Variants in TMEM135 observed in about 807,000 individuals in gnomAD.
TMEM135 encodes peroxisomal membrane protein 52.
In TMEM135, 30 loss-of-function variants were observed where a neutral mutation model predicts 60.3. That is an observed-to-expected ratio of 0.50 (90% CI 0.37 to 0.68). TMEM135 has a LOEUF of 0.68. TMEM135 is among the 30% of genes least tolerant of loss of function. TMEM135 has a pLI of 0.00. For synonymous variants in TMEM135, 190 were observed against 186.7 expected, an observed-to-expected ratio of 1.02 and a Z score of -0.14; for missense variants, 468 against 548.8, an observed-to-expected ratio of 0.85 and a Z score of 1.47.
At chr11:87,072,975 G>A (rs1856799127) in intron 3 of TMEM135, among the ~76,000 whole-genome samples, 1 of 152,184 alleles carries the variant, frequency 6.6e-6, no homozygotes, top group Admixed American at 6.5e-5. Context: ...CCTCTGGTAA[G>A]AGTGTGAGTA....
intron 4 of TMEM135, among the ~76,000 whole-genome samples, chr11:87,102,864 A>G (rs572985577): frequency 6.8e-4 from 103 of 151,970 alleles, no homozygotes; most frequent in African/African-American, 1.8e-3. Context: ...CTTATTAACT[A>G]TGGTCACCCT....
intron 6 of TMEM135, among the ~76,000 whole-genome samples, chr11:87,254,451 C>T (rs1941482321): frequency 6.6e-6 from 1 of 152,112 alleles, no homozygotes; most frequent in Non-Finnish European, 1.5e-5. Context: ...CAATAAGATA[C>T]TTGGCTTCTT....
At chr11:87,090,837 A>T (rs922776193) in intron 3 of TMEM135, among the ~76,000 whole-genome samples, 1 of 152,090 alleles carries the variant, frequency 6.6e-6, no homozygotes, top group South Asian at 2.1e-4. Flanking sequence ...TTAGTGCCTG[A>T]CTTTTCGTTT....
intron 5 of TMEM135, among the ~76,000 whole-genome samples, chr11:87,215,146 A>G (rs955289109): frequency 4.6e-5 from 7 of 152,150 alleles, no homozygotes; most frequent in Non-Finnish European, 8.8e-5. Context: ...TTTATTATTA[A>G]CTATTACTAA....
intron 14 of TMEM135, 90 bp downstream of exon 14, chr11:87,319,467 A>G (rs1171412642): frequency 2.2e-6 from 2 of 927,486 alleles, no homozygotes; most frequent in African/African-American, 1.7e-5. Context: ...AGGTATTTAT[A>G]TATAAATAAA....
Position 87,321,928 on chromosome 11 carries a change from TA to T in TMEM135, c.*598del. Reference sequence around the variant, plus strand: ...AAAGATGGGTCTCATACCATTTGGATAAATGTCGTGGTATCCATGCTTTTTT... The same window carrying T: ...AAAGATGGGTCTCATACCATTTGGATAATGTCGTGGTATCCATGCTTTTTT... On this transcript the variant is annotated 3_prime_UTR_variant, in exon 15 of 15. Transcript: ENST00000305494. 2 of 454,456 alleles carry T rather than the reference TA, an allele frequency of 4.4e-6. No homozygotes were observed. Among genetic ancestry groups the T allele is most frequent in the South Asian group, 3.1e-5 (2 of 64,472 alleles). The allele number at this position is 454,456 out of a possible 1,614,324, so 28.2% of individuals were successfully genotyped here. A position where few individuals can be genotyped will look rare whatever the true frequency, so the allele number is the denominator to read the frequency against.
chr11:87,317,978 G>A (rs1482084428), intron 12 of TMEM135, among the ~76,000 whole-genome samples, 159 bp from the exon 13 acceptor site: 1 of 152,028 alleles, frequency 6.6e-6, no homozygotes, highest in Non-Finnish European at 1.5e-5. Flanking sequence ...GAAAGGGAAG[G>A]GCTGACCCTT....
intron 7 of TMEM135, among the ~76,000 whole-genome samples, chr11:87,296,655 G>A (rs750979228): frequency 6.6e-5 from 10 of 152,182 alleles, no homozygotes; most frequent in Non-Finnish European, 1.5e-4. Flanking sequence ...AGGATCAAAT[G>A]AGTCAATATG....
chr11:87,220,859 A>G (rs1417394932), intron 5 of TMEM135, among the ~76,000 whole-genome samples: 1 of 152,198 alleles, frequency 6.6e-6, no homozygotes, highest in African/African-American at 2.4e-5. Context: ...TATGTTTAAT[A>G]ACCTACATTT....
intron 5 of TMEM135, among the ~76,000 whole-genome samples, chr11:87,172,977 A>T (rs1301867778): frequency 6.6e-6 from 1 of 151,878 alleles, no homozygotes; most frequent in Non-Finnish European, 1.5e-5. Context: ...AAATTATTAC[A>T]CTTAATTTTA....
rs1188765726 is a variant in TMEM135 at position 87,327,477 on chromosome 11, G to A, written c.*6144G>A. The A allele has an allele frequency of 4.4e-6, 2 of 453,924 alleles. No individual in the cohort carries two copies. Among genetic ancestry groups the A allele is most frequent in the African/African-American group, 4.0e-5 (2 of 49,982 alleles). 28.1% of individuals were successfully genotyped at this position (453,924 alleles called of 1,614,324 possible). A position where few individuals can be genotyped will look rare whatever the true frequency, so the allele number is the denominator to read the frequency against. ...ATAAACCTCTATTTCTTAAAGTTCT[G>A]TATCAGTCAGGGTTTCCCAGAGAGG... On this transcript the variant is annotated 3_prime_UTR_variant, in exon 15 of 15. Transcript: ENST00000305494.
At chr11:87,317,345 G>T (rs1336322791) in intron 12 of TMEM135, among the ~76,000 whole-genome samples, 1 of 151,948 alleles carries the variant, frequency 6.6e-6, no homozygotes, top group African/African-American at 2.4e-5. Context: ...GCAATATACT[G>T]TTACATATTT....
chr11:87,195,361 CCT>C (rs1939917571), intron 5 of TMEM135, among the ~76,000 whole-genome samples: 5 of 125,552 alleles, frequency 4.0e-5, no homozygotes, highest in African/African-American at 1.2e-4. Flanking sequence ...TTCCTTCCTT[CCT>C]TCCTTCCTTC....
intron 7 of TMEM135, among the ~76,000 whole-genome samples, chr11:87,296,091 T>G (rs960939421): frequency 4.6e-5 from 7 of 152,184 alleles, no homozygotes; most frequent in Admixed American, 1.3e-4. Flanking sequence ...AGAACTCACT[T>G]CAGGGAGCTT....
intron 4 of TMEM135, chr11:87,095,882 A>G (rs1857313862): frequency 6.5e-6 from 1 of 153,222 alleles, no homozygotes; most frequent in South Asian, 2.0e-4. Flanking sequence ...AGGCTGAGGC[A>G]GGAGAATGGC....
chr11:87,157,595 T>G (rs1311358487), intron 5 of TMEM135, 189 bp downstream of exon 5: 3 of 531,288 alleles, frequency 5.6e-6, no homozygotes, highest in Non-Finnish European at 1.0e-5. Flanking sequence ...GATCTTAGAT[T>G]GAAAACAAAT....
chr11:87,316,006 A>G (rs764084206), intron 12 of TMEM135, among the ~76,000 whole-genome samples: 4 of 151,898 alleles, frequency 2.6e-5, no homozygotes, highest in Non-Finnish European at 4.4e-5. Context: ...TCTGCCTCAG[A>G]TGTAGAATCA....
At chr11:87,188,160 G>T (rs967740940) in intron 5 of TMEM135, among the ~76,000 whole-genome samples, 36 of 151,550 alleles carry the variant, frequency 2.4e-4, no homozygotes, top group Admixed American at 2.3e-3. Context: ...ATTCTTTAGA[G>T]TGTTGTAGAG....
chr11:87,065,663 A>G (rs961607660), intron 1 of TMEM135, among the ~76,000 whole-genome samples: 1 of 152,090 alleles, frequency 6.6e-6, no homozygotes, highest in Admixed American at 6.6e-5. Context: ...AAAAGTTTGA[A>G]TTTTGATGAA....
Sources: allele counts gnomAD v4.1 joint callset (sites outside exome capture counted in the v4.1 genomes callset), GRCh38; gene constraint gnomAD v4.1.1; transcripts MANE v1.5; gene names NCBI Gene and HGNC (gene_info 2026-07-23, HGNC 2026-07-21).